SELE: variants seen among roughly 807,000 people sequenced by gnomAD.
The protein encoded by SELE is E-selectin.
SELE carries 52 observed loss-of-function variants against 75.8 expected under a neutral mutation model. That is an observed-to-expected ratio of 0.69 (90% confidence interval 0.55 to 0.86). The LOEUF (loss-of-function observed/expected upper bound fraction) is 0.86. Among genes scored for constraint, SELE ranks in the 40% least tolerant of loss-of-function variants. SELE has a pLI of 0.00. For synonymous variants in SELE, 285 were observed against 258.7 expected, an observed-to-expected ratio of 1.10 and a Z score of -0.98; for missense variants, 754 against 732.7, an observed-to-expected ratio of 1.03 and a Z score of -0.34.
chr1:169,725,646 G>A, intron 13 of SELE, 83 bp downstream of exon 13: 1 of 1,135,648 alleles, frequency 8.8e-7, no homozygotes, highest in Non-Finnish European at 1.3e-6. Context: ...CTAAGATATT[G>A]GCAAGTTTGG....
rs893864329 is a variant in SELE at position 169,723,557 on chromosome 1, A to G, written c.*968T>C. 2.0e-5 allele frequency: 3 copies of G among 152,248 alleles called. No homozygotes were observed. The highest frequency in any genetic ancestry group is 7.2e-5 in the African/African-American group (3 of 41,480). The allele number at this position is 152,248 out of a possible 1,614,324, so 9.4% of individuals were successfully genotyped here. On this transcript the variant is annotated 3_prime_UTR_variant, in exon 14 of 14. Coordinates refer to ENST00000333360, the MANE Select transcript of SELE (RefSeq NM_000450.2). ...GGAAACCACATATTTCTGAAAAAAT[A>G]TCTGACAATATACAAACCTTCCATT...
chr1:169,733,069 T>C, intron 2 of SELE, 71 bp from the exon 3 acceptor site: 1 of 1,434,398 alleles, frequency 7.0e-7, no homozygotes, highest in South Asian at 1.5e-5. Context: ...AACTGTGCTT[T>C]TTATTGTCTT....
Position 169,726,801 on chromosome 1 carries a change from T to C in SELE, c.1651A>G (p.Thr551Ala), listed in dbSNP as rs200496168. 1 of 1,610,574 alleles carries C rather than the reference T, an allele frequency of 6.2e-7. No individual in the cohort carries two copies. Among genetic ancestry groups the C allele is most frequent in the African/African-American group, 1.3e-5 (1 of 74,972 alleles). The change falls in exon 11 of 14, where the codon ACT becomes GCT. Residue 551 changes from threonine (T) to alanine (A), a missense_variant. Transcript: ENST00000333360. ...SGLLPTCEAP[T>A]ESNIPLVAGL... ...GCTACCAAGGGAATGTTGGACTCAG[T>C]GGGAGCTAAGGAAGTAAGAGACGAA...
At chr1:169,728,541 G>A (rs1317977175) in intron 7 of SELE, among the ~76,000 whole-genome samples, 1 of 152,152 alleles carries the variant, frequency 6.6e-6, no homozygotes, top group African/African-American at 2.4e-5. Context: ...GACAACATAT[G>A]GGTCATGGAT....
chr1:169,725,698 CT>C, intron 13 of SELE, 30 bp downstream of exon 13: 1 of 1,578,844 alleles, frequency 6.3e-7, no homozygotes, highest in Non-Finnish European at 8.7e-7. Context: ...AGATACCTCT[CT>C]CATAACCATT....
chr1:169,728,205 T>C lies in SELE; in HGVS notation c.1132A>G (p.Met378Val). 1.2e-6 allele frequency: 2 copies of C among 1,614,124 alleles called. No homozygotes were observed. The highest frequency in any genetic ancestry group is 8.5e-7 in the Non-Finnish European group (1 of 1,179,994). The change falls in exon 8 of 14, where the codon ATG (methionine) becomes GTG (valine). Residue 378 changes from methionine (M) to valine (V), a missense_variant. Physicochemically the swap from Met to Val is conservative, Grantham distance 21. Transcript: ENST00000333360. ...CCAGAAGCACTAGGAAGACAATTCA[T>C]GTAGCCTCGCTCGGGGTTGGACAAG... is the stretch of plus-strand genomic sequence containing the variant. ...TALSNPERGY[M>V]NCLPSASGSF...
rs374396743 is a variant in SELE at position 169,730,419 on chromosome 1, C to T, written c.715+13G>A. ...AGTTACAGAACGTTCTGTGCATTCT[C>T]AGAGGGATTTACCATTGCAGGCTGG... On this transcript the variant is annotated intron_variant, in intron 5 of 13. Coordinates refer to ENST00000333360, the MANE Select transcript of SELE (RefSeq NM_000450.2). The T allele has an allele frequency of 1.3e-6, 2 of 1,572,340 alleles. No individual in the cohort carries two copies. Among genetic ancestry groups the T allele is most frequent in the Non-Finnish European group, 1.7e-6 (2 of 1,152,770 alleles).
chr1:169,728,789 C>T (rs1648837653), intron 7 of SELE, among the ~76,000 whole-genome samples: 1 of 152,198 alleles, frequency 6.6e-6, no homozygotes, highest in Non-Finnish European at 1.5e-5. Context: ...GTAGCTGACA[C>T]CATGCTTGAA....
intron 13 of SELE, among the ~76,000 whole-genome samples, chr1:169,725,335 A>G (rs1330776917): frequency 6.6e-6 from 1 of 151,966 alleles, no homozygotes; most frequent in Non-Finnish European, 1.5e-5. Flanking sequence ...GTGAGCCAAG[A>G]TCATGCCACT....
At position 169,730,600 on chromosome 1, in the gene SELE, G is replaced by A. The variant is rs1229262289; in HGVS notation, c.547C>T (p.Leu183=). Residue 183 remains leucine (L), a synonymous_variant, in exon 5 of 14, where the codon CTG becomes TTG. Transcript: ENST00000333360. ...KCEQIVNCTA[L]ESPEHGSLVC... ...AGGCTTCCATGCTCAGGGGATTCCA[G>A]GGCTGTACAGTTCACAACTGAAAAA... The A allele has an allele frequency of 1.2e-6, 2 of 1,613,400 alleles. No homozygotes were observed. Among genetic ancestry groups the A allele is most frequent in the Non-Finnish European group, 8.5e-7 (1 of 1,179,676 alleles).
chr1:169,723,851 T>C lies in SELE; in HGVS notation c.*674A>G, dbSNP rs886204779. Reference sequence around the variant, plus strand: ...TTGAATGAAGAAGTATGGAAGATTATAATATATTCAATGCAAGTAAAAATA... The same window carrying C: ...TTGAATGAAGAAGTATGGAAGATTACAATATATTCAATGCAAGTAAAAATA... On this transcript the variant is annotated 3_prime_UTR_variant, in exon 14 of 14. Coordinates refer to ENST00000333360, the MANE Select transcript of SELE (RefSeq NM_000450.2). The C allele has an allele frequency of 1.3e-5, 2 of 152,224 alleles. No homozygotes were observed. The highest frequency in any genetic ancestry group is 2.9e-5 in the Non-Finnish European group (2 of 68,032). 9.4% of individuals were successfully genotyped at this position (152,224 alleles called of 1,614,324 possible). A position where few individuals can be genotyped will look rare whatever the true frequency, so the allele number is the denominator to read the frequency against.
chr1:169,727,368 G>T lies in SELE; in HGVS notation c.1626C>A (p.Gly542=). The T allele has an allele frequency of 6.2e-7, 1 of 1,613,866 alleles. No homozygotes were observed. Among genetic ancestry groups the T allele is most frequent in the Non-Finnish European group, 8.5e-7 (1 of 1,179,888 alleles). Residue 542 remains glycine, a synonymous_variant, in exon 10 of 14, where the codon GGC becomes GGA. Coordinates refer to ENST00000333360, the MANE Select transcript of SELE (RefSeq NM_000450.2). ...CATCACCTTCACAGGTAGGTAGCAGGCCAGACCAGTGTCCTGTGGCTCCAC... is the reference window on the plus strand; with the variant it reads ...CATCACCTTCACAGGTAGGTAGCAGTCCAGACCAGTGTCCTGTGGCTCCAC... ...RTCGATGHWS[G]LLPTCEAPTE...
In SELE at chr1:169,732,646, G is replaced by A. The variant is rs5360; in HGVS notation, c.390C>T (p.Cys130=). The A allele has an allele frequency of 5.0e-6, 8 of 1,608,542 alleles. No individual in the cohort carries two copies. Among genetic ancestry groups the A allele is most frequent in the Non-Finnish European group, 5.1e-6 (6 of 1,177,792 alleles). ...KDVGMWNDER[C]SKKKLALCYT... ...AGCATAGGGCAAGCTTCTTCTTGCT[G>A]CACCTCTCATCATTCCACATGCCCA... The change falls in exon 3 of 14, where the codon TGC becomes TGT. Residue 130 remains cysteine, a synonymous_variant. Coordinates refer to ENST00000333360, the MANE Select transcript of SELE (RefSeq NM_000450.2).
chr1:169,725,034 T>G (rs1430274048), intron 13 of SELE, among the ~76,000 whole-genome samples: 2 of 152,234 alleles, frequency 1.3e-5, no homozygotes, highest in Non-Finnish European at 2.9e-5. Context: ...TTACTAGCTT[T>G]GAGATTTCAG....
At chr1:169,732,538 C>A (rs1306959367) in intron 3 of SELE, 77 bp downstream of exon 3, 4 of 1,470,572 alleles carry the variant, frequency 2.7e-6, no homozygotes, top group African/African-American at 1.4e-5. Flanking sequence ...CAATAGAGAG[C>A]AGTTTTTGCA....
In SELE at chr1:169,725,912, A is replaced by G. The variant is rs1272949989; in HGVS notation, c.1770T>C (p.Pro590=). Residue 590 remains proline (P), a synonymous_variant, in exon 12 of 14, where the codon CCT becomes CCC. Coordinates refer to ENST00000333360, the MANE Select transcript of SELE (RefSeq NM_000450.2). ...KCLRKAKKFV[P]ASSCQSLESD... The stretch of plus-strand genomic sequence containing the variant: ...TGTATAAGAATGCAACTTACCTGGC[A>G]GGAACAAATTTCTTTGCTGCAAAAG... The G allele has an allele frequency of 6.2e-7, 1 of 1,614,088 alleles. No individual in the cohort carries two copies. Among genetic ancestry groups the G allele is most frequent in the African/African-American group, 1.3e-5 (1 of 75,066 alleles).
chr1:169,728,094 T>TG lies in SELE; in HGVS notation c.1242dup (p.Thr415HisfsTer12). 1 of 1,614,156 alleles carries TG rather than the reference T, an allele frequency of 6.2e-7. No homozygotes were observed. Among genetic ancestry groups the TG allele is most frequent in the African/African-American group, 1.3e-5 (1 of 75,056 alleles). ...GGCTTCTCGTTGTCCCACTCCCCTG[T>TG]GGGGCCACATTGGAGCCTTTTGGAT... On this transcript the variant is annotated frameshift_variant, in exon 8 of 14. Transcript: ENST00000333360. LOFTEE classifies it high-confidence loss of function.
At chr1:169,733,870 A>G in intron 1 of SELE, 101 bp downstream of exon 1, 1 of 539,182 alleles carries the variant, frequency 1.9e-6, no homozygotes. Flanking sequence ...TTTAGCTACA[A>G]TACAATAAGA....
At chr1:169,732,376 A>ATATATACACACACACATATATG (rs1201372828) in intron 3 of SELE, among the ~76,000 whole-genome samples, 4 of 146,736 alleles carry the variant, frequency 2.7e-5, no homozygotes, top group Non-Finnish European at 6.0e-5. Context: ...TAGGCTATAT[A>ATATATACACACACACATATATG]TATATACACA....
Sources: gnomAD v4.1 joint callset for allele counts (sites outside exome capture counted in the v4.1 genomes callset) on GRCh38, gnomAD v4.1.1 for gene constraint, MANE v1.5 for transcripts, NCBI Gene and HGNC (gene_info 2026-07-23, HGNC 2026-07-21) for gene names.